Variants in SHOC2 observed in about 807,000 individuals in gnomAD.
SHOC2 encodes SHOC2 leucine rich repeat scaffold protein, also known as leucine-rich repeat protein SHOC-2.
SHOC2 carries 4 observed loss-of-function variants against 50.2 expected under a neutral mutation model. That is an observed-to-expected ratio of 0.08 (90% CI 0.04 to 0.18). The LOEUF is 0.18. Among genes scored for constraint, SHOC2 ranks in the 10% least tolerant of loss-of-function variants. The pLI, the probability that SHOC2 is intolerant of heterozygous loss-of-function variation, is 1.00. For missense variants in SHOC2, 388 were observed against 669.6 expected (o/e 0.58, Z 4.64); for synonymous variants, 218 against 244.5 (o/e 0.89, Z 1.01).
intron 1 of SHOC2, among the ~76,000 whole-genome samples, chr10:110,922,627 G>A (rs1467361252): frequency 6.6e-6 from 1 of 151,860 alleles, no homozygotes; most frequent in Non-Finnish European, 1.5e-5. Flanking sequence ...TTTCATGTAT[G>A]AAAAAGCCTT....
chr10:110,976,476 A>G (rs1050326890), intron 2 of SHOC2, among the ~76,000 whole-genome samples: 1 of 151,478 alleles, frequency 6.6e-6, no homozygotes, highest in African/African-American at 2.4e-5. Context: ...ACACCCAGCT[A>G]GTTTTTGTAT....
At chr10:110,993,516 C>A (rs543974559) in intron 3 of SHOC2, among the ~76,000 whole-genome samples, 2 of 152,216 alleles carry the variant, frequency 1.3e-5, no homozygotes, top group African/African-American at 4.8e-5. Flanking sequence ...ATCAGAACAG[C>A]CTATTCTCAT....
intron 1 of SHOC2, among the ~76,000 whole-genome samples, chr10:110,926,629 A>G (rs1419627996): frequency 6.6e-6 from 1 of 152,342 alleles, no homozygotes; most frequent in East Asian, 1.9e-4. Flanking sequence ...GTTATGACAA[A>G]CATGCGTAGA....
chr10:110,969,561 A>C (rs1847739700), intron 2 of SHOC2, among the ~76,000 whole-genome samples: 1 of 152,172 alleles, frequency 6.6e-6, no homozygotes, highest in Non-Finnish European at 1.5e-5. Context: ...GAAACCAGGT[A>C]TAAACTTCAT....
At chr10:110,996,773 AATACAT>A (rs1308483144) in intron 3 of SHOC2, among the ~76,000 whole-genome samples, 1 of 152,216 alleles carries the variant, frequency 6.6e-6, no homozygotes, top group Non-Finnish European at 1.5e-5. Flanking sequence ...GTAAACATCA[AATACAT>A]ATTACCAGTG....
intron 1 of SHOC2, among the ~76,000 whole-genome samples, chr10:110,950,716 C>A (rs984135690): frequency 6.6e-6 from 1 of 152,092 alleles, no homozygotes; most frequent in Non-Finnish European, 1.5e-5. Flanking sequence ...ACCATGTGTA[C>A]AATCAGTTGA....
rs566530433 is a variant in SHOC2 at position 110,941,187 on chromosome 10, C to T, written c.-235+21530C>T. 3.3e-5 allele frequency among the ~76,000 whole-genome samples: 5 copies of T among 151,778 alleles called. No homozygotes were observed. In the East Asian group the frequency reaches 5.8e-4, roughly 18 times the overall value. On this transcript the variant is annotated intron_variant, in intron 1 of 8. Transcript: ENST00000369452. ...TTGTGATAGGTGTGTAGTGATCTGTCATTGTGATTTTAATTTGCATTTTCC... is the reference window on the plus strand; with the variant it reads ...TTGTGATAGGTGTGTAGTGATCTGTTATTGTGATTTTAATTTGCATTTTCC...
At chr10:110,985,903 A>T in intron 3 of SHOC2, 138 bp downstream of exon 3, 1 of 732,296 alleles carries the variant, frequency 1.4e-6, no homozygotes. Flanking sequence ...TTAAGATAAT[A>T]TTTTAAAATC....
chr10:110,939,684 AG>A, intron 1 of SHOC2, among the ~76,000 whole-genome samples: 1 of 152,330 alleles, frequency 6.6e-6, no homozygotes, highest in African/African-American at 2.4e-5. Context: ...CTAGACATCT[AG>A]TTTCCCCCTC....
chr10:110,972,220 CATT>C (rs1847796873), intron 2 of SHOC2, among the ~76,000 whole-genome samples: 1 of 151,416 alleles, frequency 6.6e-6, no homozygotes, highest in South Asian at 2.1e-4. Flanking sequence ...TTTAGTACAG[CATT>C]ATAATATTTC....
Position 110,953,730 on chromosome 10 carries a change from G to GTA in SHOC2, c.-234-10379_-234-10378dup, listed in dbSNP as rs143976923. ...TATATATATACACACACACACACGT[G>GTA]TATATATATATATATATTTTGATAG... On this transcript the variant is annotated intron_variant, in intron 1 of 8. Coordinates refer to ENST00000369452, the MANE Select transcript of SHOC2 (RefSeq NM_007373.4). 9.6e-3 allele frequency among the ~76,000 whole-genome samples: 1,409 copies of GTA among 147,174 alleles called. 9 individuals are homozygous for GTA. The highest frequency in any genetic ancestry group is 0.014 in the Middle Eastern group (4 of 278).
chr10:111,011,181 A>G (rs1405063923), intron 8 of SHOC2, among the ~76,000 whole-genome samples: 9 of 152,220 alleles, frequency 5.9e-5, no homozygotes, highest in Admixed American at 5.9e-4. Context: ...AATTTGAGAA[A>G]ATGTTACATC....
chr10:110,942,464 C>T (rs908504467), intron 1 of SHOC2, among the ~76,000 whole-genome samples: 3 of 152,162 alleles, frequency 2.0e-5, no homozygotes, highest in Non-Finnish European at 2.9e-5. Context: ...TCTCCCGCCT[C>T]AGCCCCACAA....
chr10:110,921,585 A>G (rs1846651847), intron 1 of SHOC2, among the ~76,000 whole-genome samples: 1 of 152,194 alleles, frequency 6.6e-6, no homozygotes, highest in Admixed American at 6.5e-5. Flanking sequence ...TTTATGGGTT[A>G]TATGAGATAT....
chr10:110,920,519 TTTC>T (rs1846615064), intron 1 of SHOC2, among the ~76,000 whole-genome samples: 1 of 152,222 alleles, frequency 6.6e-6, no homozygotes. Flanking sequence ...TTTCTCTTTA[TTTC>T]TTTTCTTTCT....
chr10:110,968,448 C>A (rs1372551137), intron 2 of SHOC2, among the ~76,000 whole-genome samples: 1 of 151,474 alleles, frequency 6.6e-6, no homozygotes, highest in Admixed American at 6.6e-5. Flanking sequence ...CTGCAGAAAC[C>A]CATAACAGGG....
chr10:111,004,410 A>G (rs1383395716), intron 4 of SHOC2, among the ~76,000 whole-genome samples, 196 bp from the exon 5 acceptor site: 4 of 152,206 alleles, frequency 2.6e-5, no homozygotes, highest in Non-Finnish European at 4.4e-5. Flanking sequence ...TTGGTTCCAC[A>G]TTTCTGCAAG....
At chr10:110,965,515 AAATCAGAG>A (rs1375653991) in intron 2 of SHOC2, among the ~76,000 whole-genome samples, 2 of 152,178 alleles carry the variant, frequency 1.3e-5, no homozygotes, top group Non-Finnish European at 2.9e-5. Flanking sequence ...AAAGGTTGAC[AAATCAGAG>A]CCTTACAAAA....
chr10:110,958,339 G>T (rs1590800112), intron 1 of SHOC2, among the ~76,000 whole-genome samples: 1 of 151,966 alleles, frequency 6.6e-6, no homozygotes. Flanking sequence ...TCAGCCTCCT[G>T]AGTAGCTGGG....
Sources: gnomAD v4.1 joint callset for allele counts (sites outside exome capture counted in the v4.1 genomes callset) on GRCh38, gnomAD v4.1.1 for gene constraint, MANE v1.5 for transcripts, NCBI Gene and HGNC (gene_info 2026-07-23, HGNC 2026-07-21) for gene names.